The following JMJD1C variants were observed in gnomAD, a reference collection of about 807,000 sequenced individuals.
The protein encoded by JMJD1C is jumonji domain-containing protein 1C.
In JMJD1C, 31 loss-of-function variants were observed where a neutral mutation model predicts 245.3. That is an observed-to-expected ratio of 0.13 (90% CI 0.09 to 0.17). The LOEUF (loss-of-function observed/expected upper bound fraction) is 0.17. Among genes scored for constraint, JMJD1C ranks in the 10% least tolerant of loss-of-function variants. JMJD1C has a pLI of 1.00. For missense variants in JMJD1C, 2,691 were observed against 3,000.2 expected, an observed-to-expected ratio of 0.90 and a Z score of 2.41; for synonymous variants, 1,057 against 1,017.4, an observed-to-expected ratio of 1.04 and a Z score of -0.74.
intron 3 of JMJD1C, among the ~76,000 whole-genome samples, chr10:63,262,695 T>C (rs1854937772): frequency 6.6e-6 from 1 of 152,158 alleles, no homozygotes; most frequent in Non-Finnish European, 1.5e-5. Context: ...GGCCAGAGGG[T>C]GACTTAGTAT....
chr10:63,261,330 A>G (rs1483794659), intron 3 of JMJD1C, among the ~76,000 whole-genome samples: 1 of 152,174 alleles, frequency 6.6e-6, no homozygotes, highest in Non-Finnish European at 1.5e-5. Flanking sequence ...CTGTATTCTC[A>G]GTACTTTTGG....
chr10:63,189,136 A>G, intron 18 of JMJD1C, 32 bp downstream of exon 18: 1 of 1,557,726 alleles, frequency 6.4e-7, no homozygotes, highest in Admixed American at 2.0e-5. Context: ...CAGTTCCACC[A>G]AGAGTGTTCT....
chr10:63,462,181 G>A (rs920574979), intron 1 of JMJD1C, among the ~76,000 whole-genome samples: 2 of 152,046 alleles, frequency 1.3e-5, no homozygotes, highest in Admixed American at 6.6e-5. Flanking sequence ...TATTTTGTTA[G>A]CAAAGATAAT....
At chr10:63,351,490 A>C (rs1024422578) in intron 2 of JMJD1C, among the ~76,000 whole-genome samples, 2 of 152,204 alleles carry the variant, frequency 1.3e-5, no homozygotes, top group African/African-American at 4.8e-5. Context: ...TAATTCCTAG[A>C]CAACATTAAT....
At chr10:63,235,445 C>T (rs1850621416) in intron 3 of JMJD1C, among the ~76,000 whole-genome samples, 1 of 151,902 alleles carries the variant, frequency 6.6e-6, no homozygotes, top group South Asian at 2.1e-4. Flanking sequence ...TGCAGTGAGC[C>T]GAGGTTGTGC....
At chr10:63,471,609 A>G (rs865779486) in intron 1 of JMJD1C, among the ~76,000 whole-genome samples, 3 of 152,266 alleles carry the variant, frequency 2.0e-5, no homozygotes, top group African/African-American at 7.2e-5. Context: ...TAATACTAAT[A>G]TTACTACATA....
chr10:63,385,360 C>G (rs1446107745), intron 1 of JMJD1C, among the ~76,000 whole-genome samples: 3 of 150,080 alleles, frequency 2.0e-5, no homozygotes, highest in Non-Finnish European at 4.4e-5. Context: ...AAAATGAAAC[C>G]GACAGACTTA....
chr10:63,177,828 A>T lies in JMJD1C; in HGVS notation c.7113T>A (p.Asp2371Glu). Residue 2371 changes from aspartate (D) to glutamate (E), a missense_variant, in exon 23 of 26, where the codon GAT becomes GAA. Physicochemically the swap from Asp to Glu is conservative, Grantham distance 45 (BLOSUM62 2). Around this residue, in one of 9 missense-constraint regions of JMJD1C, gnomAD observed 232 missense variants for 416.1 expected, o/e 0.56. Coordinates refer to ENST00000399262, the MANE Select transcript of JMJD1C (RefSeq NM_032776.3). ...AGILKKFEEEDLDDILRKRLK... is the reference protein window; with the variant it reads ...AGILKKFEEEELDDILRKRLK... ...ATCTTTTCCTTAAAATGTCATCCAA[A>T]TCTTCTTCCTCAAATTTCTTGAGAA... The T allele has an allele frequency of 1.9e-6, 3 of 1,613,174 alleles. No individual in the cohort carries two copies. Among genetic ancestry groups the T allele is most frequent in the Non-Finnish European group, 2.5e-6 (3 of 1,179,810 alleles).
intron 2 of JMJD1C, among the ~76,000 whole-genome samples, chr10:63,281,691 C>G (rs1295726338): frequency 6.6e-6 from 1 of 150,420 alleles, no homozygotes; most frequent in Non-Finnish European, 1.5e-5. Context: ...AGGATGGTCT[C>G]GATCTCCTGA....
chr10:63,251,117 G>A (rs1853009204), intron 3 of JMJD1C, among the ~76,000 whole-genome samples: 1 of 152,090 alleles, frequency 6.6e-6, no homozygotes, highest in Admixed American at 6.5e-5. Context: ...GGGCCTTTTG[G>A]CTTGAAGACT....
chr10:63,373,424 T>C (rs1946467754), intron 2 of JMJD1C, among the ~76,000 whole-genome samples: 1 of 152,208 alleles, frequency 6.6e-6, no homozygotes, highest in Non-Finnish European at 1.5e-5. Context: ...TTAAAATATG[T>C]TAATGAGACA....
intron 8 of JMJD1C, among the ~76,000 whole-genome samples, chr10:63,209,901 A>C (rs1033395852): frequency 5.3e-5 from 8 of 152,192 alleles, no homozygotes; most frequent in African/African-American, 1.9e-4. Flanking sequence ...ATCTGACTAC[A>C]TGCTTAAGGA....
intron 4 of JMJD1C, 41 bp downstream of exon 4, chr10:63,219,837 T>C: frequency 7.0e-7 from 1 of 1,431,966 alleles, no homozygotes; most frequent in Non-Finnish European, 9.8e-7. Flanking sequence ...ATAAGTTGCC[T>C]AGATCCAAAA....
At chr10:63,367,452 G>T (rs1252930816) in intron 2 of JMJD1C, among the ~76,000 whole-genome samples, 2 of 151,956 alleles carry the variant, frequency 1.3e-5, no homozygotes, top group Admixed American at 6.6e-5. Context: ...CTCCATGTTG[G>T]TCGGGCTGGT....
chr10:63,484,276 T>C (rs920297948), intron 1 of JMJD1C, among the ~76,000 whole-genome samples: 34 of 101,830 alleles, frequency 3.3e-4, no homozygotes, highest in African/African-American at 1.2e-3. Flanking sequence ...ATAGATAAGA[T>C]AGATAGATAA....
chr10:63,486,294 G>A (rs1053295178), intron 1 of JMJD1C, among the ~76,000 whole-genome samples: 2 of 152,040 alleles, frequency 1.3e-5, no homozygotes, highest in Non-Finnish European at 2.9e-5. Flanking sequence ...GACAGAAGAA[G>A]CATGGATAGA....
chr10:63,238,010 A>T (rs1850964524), intron 3 of JMJD1C, among the ~76,000 whole-genome samples: 1 of 136,688 alleles, frequency 7.3e-6, no homozygotes, highest in Non-Finnish European at 1.6e-5. Flanking sequence ...CTCTACTAAA[A>T]AAAAAAAAAA....
At chr10:63,291,837 A>G (rs900630053) in intron 2 of JMJD1C, among the ~76,000 whole-genome samples, 1 of 152,092 alleles carries the variant, frequency 6.6e-6, no homozygotes, top group African/African-American at 2.4e-5. Flanking sequence ...GTTTACAACT[A>G]ATCTTTTATT....
At chr10:63,326,543 C>A (rs969279186) in intron 2 of JMJD1C, among the ~76,000 whole-genome samples, 4 of 151,872 alleles carry the variant, frequency 2.6e-5, no homozygotes, top group Non-Finnish European at 4.4e-5. Context: ...CTGGTGGAGG[C>A]GGAGAGGTGG....
Sources: allele counts gnomAD v4.1 joint callset (sites outside exome capture counted in the v4.1 genomes callset), GRCh38; gene constraint gnomAD v4.1.1; regional missense constraint gnomAD v4.1.1; transcripts MANE v1.5; gene names NCBI Gene and HGNC (gene_info 2026-07-23, HGNC 2026-07-21).